POLD3: variants seen among roughly 807,000 people sequenced by gnomAD.
The protein encoded by POLD3 is DNA polymerase delta 3, accessory subunit, also known as DNA polymerase delta subunit 3.
A neutral mutation model predicts 58.2 loss-of-function variants in POLD3; 19 were observed. The ratio of observed to expected loss-of-function variants is 0.33; its 90% CI spans 0.23 to 0.48. POLD3 has a LOEUF of 0.48. Ranked by LOEUF, POLD3 falls within the 20% of genes least tolerant of loss-of-function variation. POLD3 has a pLI of 0.99. For missense variants in POLD3, 504 were observed against 545.5 expected, an observed-to-expected ratio of 0.92 and a Z score of 0.76; for synonymous variants, 172 against 193.5, an observed-to-expected ratio of 0.89 and a Z score of 0.92.
At chr11:74,661,114 T>C (rs2033200530) in intron 4 of POLD3, among the ~76,000 whole-genome samples, 1 of 152,154 alleles carries the variant, frequency 6.6e-6, no homozygotes, top group Admixed American at 6.5e-5. Flanking sequence ...TGTGTTATCT[T>C]GAATTTCTTT....
At chr11:74,625,913 TCAA>T (rs1393363398) in intron 8 of POLD3, among the ~76,000 whole-genome samples, 1 of 119,288 alleles carries the variant, frequency 8.4e-6, no homozygotes, top group Admixed American at 8.8e-5. Context: ...GTGTTTCACT[TCAA>T]ATTGCCAAAT....
intron 7 of POLD3, among the ~76,000 whole-genome samples, chr11:74,624,964 A>G (rs1052729227): frequency 6.6e-6 from 1 of 152,190 alleles, no homozygotes; most frequent in Non-Finnish European, 1.5e-5. Flanking sequence ...AAATTTTATC[A>G]TTAAGGTAGT....
chr11:74,660,003 G>A (rs1019656169), intron 4 of POLD3, among the ~76,000 whole-genome samples: 2 of 152,164 alleles, frequency 1.3e-5, no homozygotes, highest in African/African-American at 4.8e-5. Flanking sequence ...TGCTGACAAA[G>A]ACATACCCGA....
At chr11:74,608,427 T>G (rs751205744) in intron 3 of POLD3, among the ~76,000 whole-genome samples, 13 of 152,252 alleles carry the variant, frequency 8.5e-5, no homozygotes, top group Non-Finnish European at 1.8e-4. Context: ...GGCCTTTCTG[T>G]TTTTTTAGCT....
At chr11:74,662,115 A>T (rs2033213308) in intron 4 of POLD3, among the ~76,000 whole-genome samples, 1 of 152,210 alleles carries the variant, frequency 6.6e-6, no homozygotes, top group South Asian at 2.1e-4. Context: ...CAGGTCCAGA[A>T]ATACCTTCCA....
intron 4 of POLD3, among the ~76,000 whole-genome samples, chr11:74,664,509 TAGAAG>T (rs886227196): frequency 1.4e-4 from 21 of 152,162 alleles, no homozygotes; most frequent in African/African-American, 4.8e-4. Flanking sequence ...TTCCAAAAAT[TAGAAG>T]AGGAGAGAAC....
chr11:74,597,693 T>C (rs1021491763), intron 2 of POLD3, among the ~76,000 whole-genome samples: 7 of 152,218 alleles, frequency 4.6e-5, no homozygotes, highest in South Asian at 2.1e-4. Flanking sequence ...ACTCCCAGGC[T>C]GAAGCCATCC....
chr11:74,607,043 G>C (rs1389004712), intron 3 of POLD3, among the ~76,000 whole-genome samples: 1 of 152,000 alleles, frequency 6.6e-6, no homozygotes, highest in African/African-American at 2.4e-5. Context: ...CCTGTAGAAC[G>C]AACTGACCAA....
intron 2 of POLD3, among the ~76,000 whole-genome samples, chr11:74,600,111 A>G (rs1357695143): frequency 6.7e-6 from 1 of 150,152 alleles, no homozygotes; most frequent in African/African-American, 2.5e-5. Context: ...ACGCCTGGCT[A>G]ACTTCTTGTA....
Position 74,640,759 on chromosome 11 carries a change from G to A in POLD3, c.1394G>A (p.Arg465Lys), listed in dbSNP as rs1291832431. Residue 465 changes from arginine (R) to lysine (K), a missense_variant, in exon 12 of 12, where the codon AGG becomes AAG. Coordinates refer to ENST00000263681, the MANE Select transcript of POLD3 (RefSeq NM_006591.3). ...RQVSITGFFQ[R>K]K ...GTGTCCATTACTGGCTTCTTCCAGA[G>A]GAAATAAACTGCCATCTCTGGTAGA... The A allele has an allele frequency of 6.3e-7, 1 of 1,586,170 alleles. No homozygotes were observed. The highest frequency in any genetic ancestry group is 1.2e-5 in the South Asian group (1 of 85,618).
At chr11:74,632,877 T>TACACACACACAC (rs71036003) in intron 9 of POLD3, among the ~76,000 whole-genome samples, 3,797 of 115,616 alleles carry the variant, frequency 0.033, 256 homozygotes, top group African/African-American at 0.066. Flanking sequence ...TTTAAGTAAA[T>TACACACACACAC]ACACACACAC....
chr11:74,638,535 AG>A, intron 11 of POLD3: 1 of 444,646 alleles, frequency 2.2e-6, no homozygotes, highest in Non-Finnish European at 4.5e-6. Flanking sequence ...CTGTATCTGT[AG>A]ATGGCTCTTC....
chr11:74,593,120 G>A (rs2031096040), intron 1 of POLD3: 1 of 758,070 alleles, frequency 1.3e-6, no homozygotes, highest in African/African-American at 1.8e-5. Flanking sequence ...GTAACCTCCA[G>A]ATACTGTTTC....
intron 2 of POLD3, 143 bp downstream of exon 2, chr11:74,594,259 C>T: frequency 1.6e-6 from 1 of 615,572 alleles, no homozygotes; most frequent in South Asian, 2.0e-5. Context: ...TGGCTTGTAG[C>T]TGCGTAATTC....
chr11:74,608,530 G>T (rs1365379091), intron 3 of POLD3, among the ~76,000 whole-genome samples: 1 of 152,252 alleles, frequency 6.6e-6, no homozygotes, highest in African/African-American at 2.4e-5. Flanking sequence ...TAGGCTCTGG[G>T]TTTGTGGATG....
At chr11:74,625,871 T>TTTGTGTGTG (rs142784051) in intron 8 of POLD3, among the ~76,000 whole-genome samples, 13 of 143,574 alleles carry the variant, frequency 9.1e-5, no homozygotes, top group Non-Finnish European at 1.4e-4. Flanking sequence ...GTGTGCCTAG[T>TTTGTGTGTG]TGTGTGTGTG....
At position 74,592,706 on chromosome 11, in the gene POLD3, C is replaced by T; in HGVS notation, c.48C>T (p.Asp16=). The T allele has an allele frequency of 3.7e-6, 6 of 1,614,070 alleles. No homozygotes were observed. Among genetic ancestry groups the T allele is most frequent in the East Asian group, 2.2e-5 (1 of 44,864 alleles). ...YLENIDEFVT[D]QNKIVTYKWL... ...AAAATATAGACGAGTTCGTCACGGA[C>T]CAAAACAAGATCGTGAGCAGCTACT... The change falls in exon 1 of 12, where the codon GAC becomes GAT. Residue 16 remains aspartate (D), a synonymous_variant. Transcript: ENST00000263681.
chr11:74,613,587 G>A (rs1228442516), intron 5 of POLD3, among the ~76,000 whole-genome samples: 1 of 152,022 alleles, frequency 6.6e-6, no homozygotes, highest in Admixed American at 6.6e-5. Flanking sequence ...TTTGAGCTTT[G>A]GTTTCTTTGC....
In POLD3 at chr11:74,642,356, C is replaced by T. The variant is rs906235765; in HGVS notation, c.*1590C>T. On this transcript the variant is annotated 3_prime_UTR_variant, in exon 12 of 12. Transcript: ENST00000263681. ...AAGGATGGAGAGAAGGATGGAAAGCCTGGACTTAAACCTTTAGAAAAAACT... is the reference window on the plus strand; with the variant it reads ...AAGGATGGAGAGAAGGATGGAAAGCTTGGACTTAAACCTTTAGAAAAAACT... 1 of 985,196 alleles carries T rather than the reference C, an allele frequency of 1.0e-6. No individual in the cohort carries two copies. The highest frequency in any genetic ancestry group is 1.7e-5 in the African/African-American group (1 of 57,222). The allele number at this position is 985,196 out of a possible 1,614,324, so 61.0% of individuals were successfully genotyped here.
Sources: gnomAD v4.1 joint callset for allele counts (sites outside exome capture counted in the v4.1 genomes callset) on GRCh38, gnomAD v4.1.1 for gene constraint, MANE v1.5 for transcripts, NCBI Gene and HGNC (gene_info 2026-07-23, HGNC 2026-07-21) for gene names.